Variants in TVP23A observed in about 807,000 individuals in gnomAD.
The protein encoded by TVP23A is trans-golgi network vesicle protein 23 homolog A, also known as Golgi apparatus membrane protein TVP23 homolog A.
In TVP23A, 21 loss-of-function variants were observed where a neutral mutation model predicts 31.7. That is an observed-to-expected ratio of 0.66 (90% confidence interval 0.47 to 0.95). The LOEUF (loss-of-function observed/expected upper bound fraction) is 0.95, where lower values mean the gene tolerates loss of function less well. Among genes scored for constraint, TVP23A ranks in the 40% least tolerant of loss-of-function variants. The pLI is 0.00. For synonymous variants in TVP23A, 104 were observed against 96.0 expected (o/e 1.08, Z -0.49); for missense variants, 279 against 255.6 (o/e 1.09, Z -0.62).
At chr16:10,784,763 GAACT>G (rs763301613) in intron 2 of TVP23A, among the ~76,000 whole-genome samples, 1 of 152,130 alleles carries the variant, frequency 6.6e-6, no homozygotes, top group Non-Finnish European at 1.5e-5. Flanking sequence ...AAAATTATAT[GAACT>G]TTCTCCTCAA....
At chr16:10,794,778 A>G (rs1352518957) in intron 2 of TVP23A, among the ~76,000 whole-genome samples, 1 of 152,046 alleles carries the variant, frequency 6.6e-6, no homozygotes, top group East Asian at 1.9e-4. Flanking sequence ...AGAGGGGGCC[A>G]CCTGTCCTAG....
Position 10,773,352 on chromosome 16 carries a change from A to C in TVP23A, c.414T>G (p.Phe138Leu). 2 of 1,610,464 alleles carry C rather than the reference A, an allele frequency of 1.2e-6. No individual in the cohort carries two copies. The highest frequency in any genetic ancestry group is 2.2e-5 in the South Asian group (2 of 89,572). The stretch of plus-strand genomic sequence containing the variant: ...TCAAGGAAAATAAGGTGCTAAAAAA[A>C]AACACAATCCATATCATGGGGCAGA... Reference protein sequence around the residue: ...LIICPMIWIVFFFSTLFSLKL... With the variant: ...LIICPMIWIVLFFSTLFSLKL... Residue 138 changes from phenylalanine (F) to leucine (L), a missense_variant, in exon 5 of 8, where the codon TTT becomes TTG. Transcript: ENST00000299866.
At chr16:10,791,658 A>G (rs2083605021) in intron 2 of TVP23A, among the ~76,000 whole-genome samples, 2 of 152,130 alleles carry the variant, frequency 1.3e-5, no homozygotes, top group Non-Finnish European at 2.9e-5. Context: ...CCCAGGCTGG[A>G]GTGCAGTGGC....
chr16:10,785,159 C>A (rs888240667), intron 2 of TVP23A, among the ~76,000 whole-genome samples: 4 of 149,914 alleles, frequency 2.7e-5, no homozygotes, highest in African/African-American at 9.9e-5. Context: ...AATCCCAGCA[C>A]TTTGGGAGGC....
rs548150546 is a variant in TVP23A, at chr16:10,768,206, G to T, written c.*896C>A. ...AAATCTCTCAATGTGTGAGTATTGT[G>T]AATTAATTCATAGTTTAAAAAACAT... On this transcript the variant is annotated 3_prime_UTR_variant, in exon 8 of 8. Transcript: ENST00000299866. The surrounding 1 kb of genome is among the most constrained non-coding windows in gnomAD (Gnocchi z 4.3). The T allele has an allele frequency of 6.3e-6, 3 of 479,480 alleles. No homozygotes were observed. In the South Asian group the frequency reaches 9.6e-5, roughly 15 times the overall value. 29.7% of individuals were successfully genotyped at this position (479,480 alleles called of 1,614,324 possible). A position where few individuals can be genotyped will look rare whatever the true frequency, so the allele number is the denominator to read the frequency against.
At chr16:10,815,210 A>T (rs138327584) in intron 2 of TVP23A, among the ~76,000 whole-genome samples, 90 of 152,258 alleles carry the variant, frequency 5.9e-4, no homozygotes, top group Admixed American at 2.4e-3. Flanking sequence ...AGCCTGGCCA[A>T]CATGGCGAAA....
rs376701429 is a variant in TVP23A at position 10,770,868 on chromosome 16, C to CAAAAAAAAAAAA, written c.583-549_583-538dup. Among the ~76,000 whole-genome samples the CAAAAAAAAAAAA allele has an allele frequency of 5.2e-3, 344 of 66,436 alleles. 9 individuals carry two copies. Among genetic ancestry groups the CAAAAAAAAAAAA allele is most frequent in the African/African-American group, 0.012 (231 of 19,000 alleles). 43.6% of individuals were successfully genotyped at this position (66,436 alleles called of 152,430 possible). ...TGGGAGCAGAGTGAGACTCCCATCTCAAAAAAAAAAAAAAAAAAAAAAAAA... is the reference window on the plus strand; with the variant it reads ...TGGGAGCAGAGTGAGACTCCCATCTCAAAAAAAAAAAAAAAAAAAAAAAAAAAAAAAAAAAAA... On this transcript the variant is annotated intron_variant, in intron 6 of 7. Coordinates refer to ENST00000299866, the MANE Select transcript of TVP23A (RefSeq NM_001079512.4).
intron 2 of TVP23A, among the ~76,000 whole-genome samples, chr16:10,804,312 G>C (rs979422320): frequency 2.0e-5 from 3 of 152,216 alleles, no homozygotes; most frequent in Admixed American, 1.3e-4. Flanking sequence ...TTCAGGGCTG[G>C]GGTTGGGGGC....
chr16:10,806,273 G>A (rs1263252452), intron 2 of TVP23A, among the ~76,000 whole-genome samples: 1 of 152,178 alleles, frequency 6.6e-6, no homozygotes, highest in Non-Finnish European at 1.5e-5. Context: ...AACCTGTGAG[G>A]TGGAGGTTGC....
At chr16:10,790,409 C>T (rs780500179) in intron 2 of TVP23A, among the ~76,000 whole-genome samples, 5 of 151,812 alleles carry the variant, frequency 3.3e-5, no homozygotes, top group African/African-American at 4.8e-5. Flanking sequence ...CTCAGCCTCC[C>T]GAGTAGCTGG....
intron 2 of TVP23A, among the ~76,000 whole-genome samples, chr16:10,790,748 A>C (rs1300159415): frequency 6.6e-6 from 1 of 152,194 alleles, no homozygotes; most frequent in African/African-American, 2.4e-5. Context: ...AATTTGGGCA[A>C]GATAGGAAAA....
intron 2 of TVP23A, among the ~76,000 whole-genome samples, chr16:10,792,511 T>C (rs2033160626): frequency 6.6e-6 from 1 of 151,966 alleles, no homozygotes; most frequent in South Asian, 2.1e-4. Flanking sequence ...CTTTAACGAG[T>C]CTCCCGAGTG....
chr16:10,803,245 CTG>C (rs3040297), intron 2 of TVP23A, among the ~76,000 whole-genome samples: 2,174 of 135,198 alleles, frequency 0.016, 19 homozygotes, highest in African/African-American at 0.027. Context: ...GATCGCGCCA[CTG>C]TGTGTGTGTG....
Position 10,801,579 on chromosome 16 carries a change from C to T in TVP23A, c.89+16524G>A, listed in dbSNP as rs563481464. 4.6e-5 allele frequency among the ~76,000 whole-genome samples: 7 copies of T among 152,240 alleles called. No individual in the cohort carries two copies. The South Asian group carries it at 8.3e-4, about 18-fold the overall frequency. ...TCAAGCGATTCTCATCCCTCAGCCT[C>T]CTGAGTAGCTGGGATTAGAAGCACA... On this transcript the variant is annotated intron_variant, in intron 2 of 7. Coordinates refer to ENST00000299866, the MANE Select transcript of TVP23A (RefSeq NM_001079512.4).
chr16:10,766,482 G>C (rs901267372), downstream of TVP23A, among the ~76,000 whole-genome samples: 2 of 152,126 alleles, frequency 1.3e-5, no homozygotes, highest in Non-Finnish European at 2.9e-5. This position sits in a 1 kb window ranked among gnomAD's most constrained non-coding sequence, Gnocchi z 4.8. Flanking sequence ...GGGAGACCTG[G>C]GTGAAAGTCA....
Position 10,809,278 on chromosome 16 carries a change from T to TGTGAGTCAAGGGTTAACATC in TVP23A, c.89+8805_89+8824dup, listed in dbSNP as rs1299246667. On this transcript the variant is annotated intron_variant, in intron 2 of 7. Coordinates refer to ENST00000299866, the MANE Select transcript of TVP23A (RefSeq NM_001079512.4). ...GGTCACTGTTCAAGTTCAAGGTCAC[T>TGTGAGTCAAGGGTTAACATC]GTGAGTCAAGGGTTAACATCGGGCC... Among the ~76,000 whole-genome samples the TGTGAGTCAAGGGTTAACATC allele has an allele frequency of 6.7e-4, 102 of 152,314 alleles. 1 individual carries two copies. The highest frequency in any genetic ancestry group is 2.4e-3 in the African/African-American group (99 of 41,576).
intron 2 of TVP23A, among the ~76,000 whole-genome samples, chr16:10,815,813 G>A (rs2034411358): frequency 6.6e-6 from 1 of 152,226 alleles, no homozygotes; most frequent in African/African-American, 2.4e-5. Context: ...GAGTTCAGAT[G>A]TTCTAGAAGA....
At chr16:10,763,873 G>C (rs2030402919), downstream of TVP23A, 1 of 166,844 alleles carries the variant, frequency 6.0e-6, no homozygotes. Flanking sequence ...TCAGCCCCTG[G>C]AAGCATCTCA....
At chr16:10,770,795 C>T (rs769903170) in intron 6 of TVP23A, among the ~76,000 whole-genome samples, 70 of 142,480 alleles carry the variant, frequency 4.9e-4, no homozygotes, top group African/African-American at 1.3e-3. Context: ...CACTTGAACC[C>T]GGAGCCGGAG....
Sources: gnomAD v4.1 joint callset for allele counts (sites outside exome capture counted in the v4.1 genomes callset) on GRCh38, gnomAD v4.1.1 for gene constraint, Gnocchi (gnomAD v3.1) non-coding constraint, MANE v1.5 for transcripts, NCBI Gene and HGNC (gene_info 2026-07-23, HGNC 2026-07-21) for gene names.